The following CHCHD3 variants were observed in gnomAD, a reference collection of about 807,000 sequenced individuals.
The protein encoded by CHCHD3 is MICOS complex subunit MIC19.
CHCHD3 carries 20 observed loss-of-function variants against 38.2 expected under a neutral mutation model. The observed-to-expected ratio is 0.52, with a 90% CI of 0.37 to 0.76. The LOEUF is 0.76. Ranked by LOEUF, CHCHD3 falls within the 30% of genes least tolerant of loss-of-function variation. CHCHD3 has a pLI of 0.00. For missense variants in CHCHD3, 245 were observed against 279.2 expected (o/e 0.88, Z 0.87); for synonymous variants, 82 against 100.0 (o/e 0.82, Z 1.07).
intron 5 of CHCHD3, among the ~76,000 whole-genome samples, chr7:132,871,933 TG>T (rs1180412485): frequency 6.6e-6 from 1 of 151,876 alleles, no homozygotes; most frequent in Non-Finnish European, 1.5e-5. Flanking sequence ...AAAATAAAGT[TG>T]GGGAAAAAAA....
At chr7:133,009,539 A>T (rs1449942959) in intron 3 of CHCHD3, among the ~76,000 whole-genome samples, 5 of 148,566 alleles carry the variant, frequency 3.4e-5, no homozygotes, top group Non-Finnish European at 7.5e-5. Flanking sequence ...GGTTACGACA[A>T]AAAAAAAAAA....
intron 4 of CHCHD3, among the ~76,000 whole-genome samples, chr7:132,890,827 T>C (rs1809341677): frequency 6.6e-6 from 1 of 152,192 alleles, no homozygotes; most frequent in Admixed American, 6.5e-5. Context: ...GAAGCATACA[T>C]ATAAAGAACT....
At chr7:133,004,810 A>C (rs1244843769) in intron 3 of CHCHD3, among the ~76,000 whole-genome samples, 2 of 152,190 alleles carry the variant, frequency 1.3e-5, no homozygotes, top group Non-Finnish European at 2.9e-5. Flanking sequence ...TGACCTGATT[A>C]CCATGGCACG....
At chr7:132,912,439 G>T (rs1809975495) in intron 4 of CHCHD3, among the ~76,000 whole-genome samples, 1 of 152,180 alleles carries the variant, frequency 6.6e-6, no homozygotes, top group Admixed American at 6.5e-5. Context: ...TTACATGTTA[G>T]CCCATAGCCA....
At chr7:132,898,876 G>T (rs570497253) in intron 4 of CHCHD3, among the ~76,000 whole-genome samples, 82 of 152,326 alleles carry the variant, frequency 5.4e-4, no homozygotes, top group African/African-American at 1.8e-3. Flanking sequence ...GCCCGGGGCC[G>T]GCAGGGCCGG....
At chr7:132,914,123 CGTGTGTGTGTGTGTGTGTGTGT>C (rs200561468) in intron 4 of CHCHD3, among the ~76,000 whole-genome samples, 5 of 132,224 alleles carry the variant, frequency 3.8e-5, no homozygotes, top group African/African-American at 8.7e-5. Context: ...CCATGCCTGG[CGTGTGTGTGTGTGTGTGTGTGT>C]GTGTGTGTGT....
chr7:132,998,608 A>C (rs1212656471), intron 3 of CHCHD3, among the ~76,000 whole-genome samples: 2 of 152,218 alleles, frequency 1.3e-5, no homozygotes, highest in Non-Finnish European at 2.9e-5. Flanking sequence ...GCAAAAAATA[A>C]CAATGGGTAG....
At chr7:132,978,926 T>C (rs80063301) in intron 3 of CHCHD3, among the ~76,000 whole-genome samples, 2,847 of 152,332 alleles carry the variant, frequency 0.019, 102 homozygotes, top group African/African-American at 0.064. Flanking sequence ...AAAGGAATGT[T>C]TATAAATTTT....
chr7:133,061,824 G>A (rs554092274), intron 2 of CHCHD3, among the ~76,000 whole-genome samples: 17 of 152,264 alleles, frequency 1.1e-4, no homozygotes, highest in African/African-American at 3.9e-4. Context: ...ATAGCAATTC[G>A]GTGATAAAGT....
intron 3 of CHCHD3, among the ~76,000 whole-genome samples, chr7:132,987,914 C>G (rs1009428588): frequency 1.3e-5 from 2 of 152,102 alleles, no homozygotes; most frequent in African/African-American, 4.8e-5. Flanking sequence ...TGATTATCTA[C>G]TTACACTTAA....
intron 3 of CHCHD3, among the ~76,000 whole-genome samples, chr7:132,993,262 A>G (rs1026287023): frequency 1.3e-5 from 2 of 152,234 alleles, no homozygotes; most frequent in Non-Finnish European, 2.9e-5. Context: ...TTTATATCAC[A>G]TAATTATCAC....
intron 5 of CHCHD3, among the ~76,000 whole-genome samples, chr7:132,855,865 T>TA (rs77266210): frequency 0.026 from 415 of 16,070 alleles, 4 homozygotes; most frequent in African/African-American, 0.083. Flanking sequence ...CATATTTGTT[T>TA]AAAAAAAAAA....
intron 4 of CHCHD3, among the ~76,000 whole-genome samples, chr7:132,890,364 G>A (rs988830979): frequency 6.6e-6 from 1 of 152,116 alleles, no homozygotes; most frequent in Admixed American, 6.6e-5. Context: ...AACATACTGG[G>A]CTGATAGAAA....
rs144060637 is a variant in CHCHD3 at position 132,846,847 on chromosome 7, C to T, written c.454-8378G>A. Among the ~76,000 whole-genome samples the T allele has an allele frequency of 8.0e-3, 1,220 of 152,290 alleles. 19 individuals are homozygous for T. The highest frequency in any genetic ancestry group is 0.028 in the African/African-American group (1,160 of 41,550). On this transcript the variant is annotated intron_variant, in intron 5 of 7. Coordinates refer to ENST00000262570, the MANE Select transcript of CHCHD3 (RefSeq NM_017812.4). ...ATCTACTACAAATTGACAAACACTTCAGCCTGCAATGCTACCACAAAAAGG... is the reference window on the plus strand; with the variant it reads ...ATCTACTACAAATTGACAAACACTTTAGCCTGCAATGCTACCACAAAAAGG...
chr7:132,993,336 G>A (rs556360538), intron 3 of CHCHD3, among the ~76,000 whole-genome samples: 1 of 152,198 alleles, frequency 6.6e-6, no homozygotes, highest in Admixed American at 6.5e-5. Context: ...AATATAACAT[G>A]CATGAAGTTA....
chr7:132,982,841 A>T (rs78134411), intron 3 of CHCHD3, among the ~76,000 whole-genome samples: 1 of 150,926 alleles, frequency 6.6e-6, no homozygotes, highest in South Asian at 2.1e-4. Flanking sequence ...ACATATGTGC[A>T]TTTTTTTTTC....
chr7:132,992,646 T>A (rs1009760468), intron 3 of CHCHD3, among the ~76,000 whole-genome samples: 1 of 152,218 alleles, frequency 6.6e-6, no homozygotes, highest in Non-Finnish European at 1.5e-5. Flanking sequence ...ATACTCCTTA[T>A]GTTATTATTT....
At chr7:132,891,176 G>A (rs1176999522) in intron 4 of CHCHD3, among the ~76,000 whole-genome samples, 1 of 152,166 alleles carries the variant, frequency 6.6e-6, no homozygotes, top group Non-Finnish European at 1.5e-5. Flanking sequence ...CTTTTGTTAG[G>A]AGAAATTACA....
At chr7:132,933,692 T>C (rs1018639292) in intron 4 of CHCHD3, among the ~76,000 whole-genome samples, 3 of 152,198 alleles carry the variant, frequency 2.0e-5, no homozygotes, top group Non-Finnish European at 4.4e-5. Flanking sequence ...CTAGATGTCA[T>C]CTGATCCAAT....
Sources: gnomAD v4.1 joint callset for allele counts (sites outside exome capture counted in the v4.1 genomes callset) on GRCh38, gnomAD v4.1.1 for gene constraint, MANE v1.5 for transcripts, NCBI Gene and HGNC (gene_info 2026-07-23, HGNC 2026-07-21) for gene names.